PIK3CB: variants seen among roughly 807,000 people sequenced by gnomAD.
The protein encoded by PIK3CB is phosphatidylinositol-4,5-bisphosphate 3-kinase catalytic subunit beta.
PIK3CB carries 39 observed loss-of-function variants against 136.8 expected under a neutral mutation model. The observed-to-expected ratio is 0.29, with a 90% CI of 0.22 to 0.37. The LOEUF (loss-of-function observed/expected upper bound fraction) is 0.37, where lower values mean the gene tolerates loss of function less well. Among genes scored for constraint, PIK3CB ranks in the 10% least tolerant of loss-of-function variants. PIK3CB has a pLI of 1.00. For missense variants in PIK3CB, 868 were observed against 1,275.4 expected, an observed-to-expected ratio of 0.68 and a Z score of 4.87; for synonymous variants, 428 against 436.6, an observed-to-expected ratio of 0.98 and a Z score of 0.25.
Position 138,784,791 on chromosome 3 carries a change from C to T in PIK3CB, c.-17+11672G>A, listed in dbSNP as rs939780681. ...TCTCAGCTCGCTATAACCTCCACCT[C>T]CCAGCCGCCTGCCTTGGCCTCCCAA... On this transcript the variant is annotated intron_variant, in intron 2 of 23. Transcript: ENST00000674063. Among the ~76,000 whole-genome samples, 14 of 152,326 alleles carry T rather than the reference C, an allele frequency of 9.2e-5. 1 individual carries two copies. Among genetic ancestry groups the T allele is most frequent in the Admixed American group, 9.2e-4 (14 of 15,284 alleles).
chr3:138,657,747 T>C lies in PIK3CB; in HGVS notation c.2885A>G (p.Tyr962Cys). 3 of 1,613,156 alleles carry C rather than the reference T, an allele frequency of 1.9e-6. No homozygotes were observed. The highest frequency in any genetic ancestry group is 2.5e-6 in the Non-Finnish European group (3 of 1,179,446). ...TTGTTGAATGACATGGATGAAATCA[T>C]AGGTAAGAATAAAAGGCACTCGCTC... is the stretch of plus-strand genomic sequence containing the variant. The part of the protein sequence containing the change: ...KRERVPFILT[Y>C]DFIHVIQQGK... Residue 962 changes from tyrosine (Y) to cysteine (C), a missense_variant, in exon 22 of 24, where the codon TAT becomes TGT. Coordinates refer to ENST00000674063, the MANE Select transcript of PIK3CB (RefSeq NM_006219.3).
At chr3:138,687,718 G>A (rs2043923578) in intron 16 of PIK3CB, among the ~76,000 whole-genome samples, 2 of 152,186 alleles carry the variant, frequency 1.3e-5, no homozygotes, top group African/African-American at 4.8e-5. Context: ...GCCTTTCAAA[G>A]TGCTGGGTTT....
At chr3:138,811,232 G>C (rs555077788) in intron 1 of PIK3CB, among the ~76,000 whole-genome samples, 16 of 81,618 alleles carry the variant, frequency 2.0e-4, no homozygotes, top group African/African-American at 7.6e-4. Flanking sequence ...GACAGAGCAA[G>C]ACTCTGCCAA....
At chr3:138,691,269 T>G in intron 14 of PIK3CB, 126 bp from the exon 15 acceptor site, 1 of 810,864 alleles carries the variant, frequency 1.2e-6, no homozygotes, top group Non-Finnish European at 2.0e-6. Flanking sequence ...GCTTGTTACA[T>G]GCTTTCCTTC....
At chr3:138,832,845 A>AAC (rs1553745419) in intron 1 of PIK3CB, among the ~76,000 whole-genome samples, 4 of 148,236 alleles carry the variant, frequency 2.7e-5, no homozygotes, top group African/African-American at 9.9e-5. Flanking sequence ...AAAAAAAAAA[A>AAC]AAAACAAAAT....
At chr3:138,770,613 G>A (rs2045787097) in intron 2 of PIK3CB, 1 of 151,770 alleles carries the variant, frequency 6.6e-6, no homozygotes, top group South Asian at 2.1e-4. Flanking sequence ...GGGAGGGTGA[G>A]GCAGGAGAAT....
chr3:138,678,688 T>C (rs1184387247), intron 19 of PIK3CB, among the ~76,000 whole-genome samples: 2 of 151,976 alleles, frequency 1.3e-5, no homozygotes, highest in Non-Finnish European at 2.9e-5. Context: ...CAAAGGTAAA[T>C]ACTAACCAAA....
chr3:138,690,855 A>G (rs1394427823), intron 15 of PIK3CB, 145 bp downstream of exon 15: 2 of 560,768 alleles, frequency 3.6e-6, no homozygotes, highest in Admixed American at 6.5e-5. Context: ...TGGTATCAAG[A>G]AACAGGAGAA....
chr3:138,659,465 C>T (rs911990285), intron 21 of PIK3CB, among the ~76,000 whole-genome samples: 7 of 151,444 alleles, frequency 4.6e-5, no homozygotes, highest in East Asian at 1.9e-4. Flanking sequence ...TGCAGTGAGC[C>T]GGGATCACGC....
intron 19 of PIK3CB, 43 bp downstream of exon 19, chr3:138,681,923 TG>T (rs748218787): frequency 8.5e-7 from 1 of 1,173,606 alleles, no homozygotes; most frequent in Non-Finnish European, 1.2e-6. Context: ...ATTTTTGCTA[TG>T]GGAAGACATT....
chr3:138,798,445 G>C (rs1398511757), intron 1 of PIK3CB, among the ~76,000 whole-genome samples: 1 of 152,170 alleles, frequency 6.6e-6, no homozygotes, highest in African/African-American at 2.4e-5. Flanking sequence ...TTACAGGCGT[G>C]AGCCACTGTG....
chr3:138,808,793 GAATATAA>G (rs1158090905), intron 1 of PIK3CB, among the ~76,000 whole-genome samples: 3 of 150,554 alleles, frequency 2.0e-5, no homozygotes, highest in Admixed American at 1.3e-4. Context: ...TTTTATATAT[GAATATAA>G]AATATAAGTT....
At chr3:138,775,138 T>A (rs576804192) in intron 2 of PIK3CB, among the ~76,000 whole-genome samples, 1 of 152,348 alleles carries the variant, frequency 6.6e-6, no homozygotes, top group Admixed American at 6.5e-5. Flanking sequence ...GAAGTATCTG[T>A]CCTTGATGCC....
chr3:138,677,576 G>A (rs1432898089), intron 19 of PIK3CB, among the ~76,000 whole-genome samples: 1 of 152,200 alleles, frequency 6.6e-6, no homozygotes, highest in Non-Finnish European at 1.5e-5. Context: ...ATCAAGAAGA[G>A]GGCTAAGTTA....
intron 19 of PIK3CB, among the ~76,000 whole-genome samples, chr3:138,681,048 T>G (rs1325701671): frequency 6.8e-6 from 1 of 147,786 alleles, no homozygotes; most frequent in African/African-American, 2.5e-5. Flanking sequence ...TTAGTTTTTT[T>G]TTTGTTTTTT....
At chr3:138,703,433 T>C (rs924205345) in intron 12 of PIK3CB, among the ~76,000 whole-genome samples, 1 of 152,106 alleles carries the variant, frequency 6.6e-6, no homozygotes, top group Non-Finnish European at 1.5e-5. Context: ...TAGAATGACT[T>C]TGCTAAATAG....
intron 6 of PIK3CB, among the ~76,000 whole-genome samples, chr3:138,735,834 AG>A (rs1252708148): frequency 6.6e-6 from 1 of 152,142 alleles, no homozygotes; most frequent in Non-Finnish European, 1.5e-5. Context: ...TTTTTGTCAG[AG>A]AAAAAAAACT....
chr3:138,769,159 C>T (rs1174648376), intron 2 of PIK3CB, among the ~76,000 whole-genome samples: 1 of 152,178 alleles, frequency 6.6e-6, no homozygotes, highest in Non-Finnish European at 1.5e-5. Flanking sequence ...GAGCATGCAG[C>T]CCCGGCCACA....
Position 138,805,735 on chromosome 3 carries a change from C to T in PIK3CB, c.-121-9168G>A, listed in dbSNP as rs574847787. Among the ~76,000 whole-genome samples the T allele has an allele frequency of 2.8e-3, 417 of 150,984 alleles. 4 individuals carry two copies. The highest frequency in any genetic ancestry group is 8.4e-3 in the African/African-American group (346 of 41,228). On this transcript the variant is annotated intron_variant, in intron 1 of 23. Transcript: ENST00000674063. ...CTTCTCTTTTGTTGTTGTTGTTTTG[C>T]TTTGTTTTGTTTTTTGAGAGAGTCT...
Sources: gnomAD v4.1 joint callset for allele counts (sites outside exome capture counted in the v4.1 genomes callset) on GRCh38, gnomAD v4.1.1 for gene constraint, MANE v1.5 for transcripts, NCBI Gene and HGNC (gene_info 2026-07-23, HGNC 2026-07-21) for gene names.